VPS8: variants seen among roughly 807,000 people sequenced by gnomAD.
VPS8 encodes the protein VPS8 subunit of CORVET complex.
A neutral mutation model predicts 216.4 loss-of-function variants in VPS8; 129 were observed. The observed-to-expected ratio is 0.60, with a 90% CI of 0.52 to 0.69. The LOEUF (loss-of-function observed/expected upper bound fraction) is 0.69, where lower values mean the gene tolerates loss of function less well. VPS8 is among the 30% of genes least tolerant of loss of function. The pLI, the probability that VPS8 is intolerant of heterozygous loss-of-function variation, is 0.00. For synonymous variants in VPS8, 571 were observed against 565.4 expected, an observed-to-expected ratio of 1.01 and a Z score of -0.14; for missense variants, 1,531 against 1,683.5, an observed-to-expected ratio of 0.91 and a Z score of 1.59.
At chr3:184,970,101 G>C (rs1291579697) in intron 39 of VPS8, among the ~76,000 whole-genome samples, 1 of 151,404 alleles carries the variant, frequency 6.6e-6, no homozygotes, top group Non-Finnish European at 1.5e-5. Context: ...AGTAGAGTTG[G>C]GGTTCCACCA....
rs190489945 is a variant in VPS8, at chr3:185,026,813, A to C, written c.4056+2424A>C. Among the ~76,000 whole-genome samples, 314 of 147,358 alleles carry C rather than the reference A, an allele frequency of 2.1e-3. 1 individual carries two copies. Among genetic ancestry groups the C allele is most frequent in the Admixed American group, 7.5e-3 (108 of 14,358 alleles). On this transcript the variant is annotated intron_variant, in intron 46 of 47. Coordinates refer to ENST00000625842, the MANE Select transcript of VPS8 (RefSeq NM_001009921.3). ...AACCTCCGCCTCCTGGGTTCAAGCGATTCTCTTGCCTTAGTCTCCTGAGTA... is the reference window on the plus strand; with the variant it reads ...AACCTCCGCCTCCTGGGTTCAAGCGCTTCTCTTGCCTTAGTCTCCTGAGTA...
chr3:184,901,079 A>G (rs1392359230), intron 25 of VPS8, 107 bp downstream of exon 25: 9 of 914,844 alleles, frequency 9.8e-6, no homozygotes, highest in African/African-American at 6.8e-5. Flanking sequence ...GTTGGTAATC[A>G]TGTACAGTCA....
At chr3:185,042,477 G>GC (rs1711881154) in intron 46 of VPS8, among the ~76,000 whole-genome samples, 1 of 152,212 alleles carries the variant, frequency 6.6e-6, no homozygotes, top group Non-Finnish European at 1.5e-5. Flanking sequence ...CAGGAGAGTG[G>GC]CCCCTGGAAG....
Position 184,940,048 on chromosome 3 carries a change from T to G in VPS8, c.2989-149T>G, listed in dbSNP as rs75611331. The G allele has an allele frequency of 5.7e-3, 1,549 of 272,650 alleles. 23 individuals carry two copies. The highest frequency in any genetic ancestry group is 0.033 in the African/African-American group (1,477 of 45,182). 16.9% of individuals were successfully genotyped at this position (272,650 alleles called of 1,614,324 possible). A position where few individuals can be genotyped will look rare whatever the true frequency, so the allele number is the denominator to read the frequency against. On this transcript the variant is annotated intron_variant, in intron 35 of 47. Transcript: ENST00000625842. Reference sequence around the variant, plus strand: ...GAAGACATAACCTCCAGATGATTCTTTAGAATTTCTTAGATCTGTACAGAG... The same window carrying G: ...GAAGACATAACCTCCAGATGATTCTGTAGAATTTCTTAGATCTGTACAGAG...
chr3:184,866,681 G>T (rs183187515), intron 16 of VPS8, among the ~76,000 whole-genome samples, 195 bp from the exon 17 acceptor site: 3 of 152,246 alleles, frequency 2.0e-5, no homozygotes, highest in Admixed American at 2.0e-4. Flanking sequence ...GGAGATGAAA[G>T]TACATCATTG....
At chr3:184,998,333 A>C (rs577001758) in intron 44 of VPS8, among the ~76,000 whole-genome samples, 6 of 152,116 alleles carry the variant, frequency 3.9e-5, no homozygotes, top group African/African-American at 1.4e-4. Context: ...CCCATGTGAG[A>C]GATGGTCTAG....
intron 5 of VPS8, 58 bp downstream of exon 5, chr3:184,834,800 G>A: frequency 7.4e-7 from 1 of 1,353,334 alleles, no homozygotes; most frequent in Non-Finnish European, 1.0e-6. Flanking sequence ...AATGAAGTAG[G>A]AATGAGCATA....
intron 22 of VPS8, among the ~76,000 whole-genome samples, chr3:184,891,122 T>TAA (rs199645996): frequency 2.6e-5 from 4 of 151,898 alleles, no homozygotes; most frequent in African/African-American, 7.3e-5. Context: ...GCAGTTATTT[T>TAA]AAAAAAAAGC....
rs79953513 is a variant in VPS8, at chr3:184,930,579, G to C, written c.2898+11G>C. 1 of 1,593,138 alleles carries C rather than the reference G, an allele frequency of 6.3e-7. No homozygotes were observed. Among genetic ancestry groups the C allele is most frequent in the South Asian group, 1.1e-5 (1 of 90,384 alleles). On this transcript the variant is annotated intron_variant, in intron 34 of 47. Transcript: ENST00000625842. ...ATGGATCATATTGAGGTACTGATGC[G>C]CAAAACTTCACACTTCACCATCTGA... is the stretch of plus-strand genomic sequence containing the variant.
intron 36 of VPS8, among the ~76,000 whole-genome samples, chr3:184,945,948 C>T (rs1246448849): frequency 6.6e-6 from 1 of 152,192 alleles, no homozygotes; most frequent in Non-Finnish European, 1.5e-5. Context: ...GAGTCTGCCT[C>T]AGTGGGGGCC....
intron 46 of VPS8, among the ~76,000 whole-genome samples, chr3:185,027,160 A>G (rs1757488365): frequency 6.6e-6 from 1 of 151,676 alleles, no homozygotes; most frequent in South Asian, 2.1e-4. Context: ...TGGAAGGTGC[A>G]CAGGGTTCTG....
rs1460474836 is a variant in VPS8, at chr3:184,942,865, T to C, written c.3035+2622T>C. Among the ~76,000 whole-genome samples, 2 of 152,202 alleles carry C rather than the reference T, an allele frequency of 1.3e-5. 1 individual carries two copies. The highest frequency in any genetic ancestry group is 4.1e-4 in the South Asian group (2 of 4,830). On this transcript the variant is annotated intron_variant, in intron 36 of 47. Coordinates refer to ENST00000625842, the MANE Select transcript of VPS8 (RefSeq NM_001009921.3). ...ACCCACAGTGTAAATAAATATATAA[T>C]ACTAGTAACATATTGAGTTCCGGAT...
intron 28 of VPS8, 109 bp from the exon 29 acceptor site, chr3:184,920,018 T>TAA (rs1738337470): frequency 1.3e-6 from 1 of 791,886 alleles, no homozygotes; most frequent in African/African-American, 1.8e-5. Context: ...GAGGAATAGT[T>TAA]ATCTTATTTG....
intron 22 of VPS8, among the ~76,000 whole-genome samples, chr3:184,887,988 CTTTT>C (rs761993920): frequency 2.1e-5 from 3 of 139,992 alleles, no homozygotes. Flanking sequence ...GAGAACATTA[CTTTT>C]TTTTTTTTTT....
chr3:184,949,811 T>C (rs542494850), intron 36 of VPS8, among the ~76,000 whole-genome samples: 142 of 152,304 alleles, frequency 9.3e-4, no homozygotes, highest in Non-Finnish European at 1.4e-3. Flanking sequence ...ACAATGTGTA[T>C]GGAAAGCTGA....
chr3:184,932,273 A>T (rs2109252305), intron 34 of VPS8, among the ~76,000 whole-genome samples: 1 of 152,248 alleles, frequency 6.6e-6, no homozygotes, highest in Admixed American at 6.5e-5. Flanking sequence ...CTAATGAAAG[A>T]TTGATGCCTC....
chr3:185,039,182 A>G (rs578106071), intron 46 of VPS8, among the ~76,000 whole-genome samples: 1 of 152,166 alleles, frequency 6.6e-6, no homozygotes, highest in Non-Finnish European at 1.5e-5. Flanking sequence ...TCAAAATTTC[A>G]TAGTGTAGGG....
At chr3:184,879,270 T>C (rs533440596) in intron 21 of VPS8, among the ~76,000 whole-genome samples, 35 of 152,330 alleles carry the variant, frequency 2.3e-4, no homozygotes, top group African/African-American at 8.4e-4. Flanking sequence ...ATCTTAAATA[T>C]ACATGAATAT....
intron 3 of VPS8, among the ~76,000 whole-genome samples, chr3:184,831,812 G>GT (rs1451935763): frequency 6.6e-6 from 1 of 152,084 alleles, no homozygotes; most frequent in African/African-American, 2.4e-5. Flanking sequence ...GGGATCTCCC[G>GT]TTTTTCCTTG....
Sources: gnomAD v4.1 joint callset for allele counts (sites outside exome capture counted in the v4.1 genomes callset) on GRCh38, gnomAD v4.1.1 for gene constraint, MANE v1.5 for transcripts, NCBI Gene and HGNC (gene_info 2026-07-23, HGNC 2026-07-21) for gene names.